CNTN4: variants seen among roughly 807,000 people sequenced by gnomAD.
CNTN4 encodes contactin-4.
Under a neutral mutation model 122.5 loss-of-function variants are expected in CNTN4, and 77 were observed. The observed-to-expected ratio is 0.63, with a 90% confidence interval of 0.52 to 0.76. The LOEUF is 0.76. CNTN4 is among the 30% of genes least tolerant of loss of function. The pLI is 0.00. For missense variants in CNTN4, 1,256 were observed against 1,259.1 expected (o/e 1.00, Z 0.04); for synonymous variants, 512 against 447.0 (o/e 1.15, Z -1.83).
At chr3:2,124,403 A>G (rs887243627) in intron 2 of CNTN4, among the ~76,000 whole-genome samples, 1 of 148,948 alleles carries the variant, frequency 6.7e-6, no homozygotes, top group African/African-American at 2.5e-5. Context: ...ATGCATTTTT[A>G]AAAGCCTTTG....
intron 15 of CNTN4, among the ~76,000 whole-genome samples, chr3:3,028,234 C>T (rs943005776): frequency 6.6e-6 from 1 of 152,148 alleles, no homozygotes; most frequent in African/African-American, 2.4e-5. Context: ...ACCGAGTATT[C>T]TGTCAGGAAC....
intron 4 of CNTN4, among the ~76,000 whole-genome samples, chr3:2,599,171 T>C (rs1403558397): frequency 1.3e-5 from 2 of 152,172 alleles, no homozygotes; most frequent in Non-Finnish European, 2.9e-5. Flanking sequence ...CCATGGAGTG[T>C]AGAGTTGGAG....
At chr3:2,901,715 TC>T in intron 11 of CNTN4, among the ~76,000 whole-genome samples, 1 of 152,334 alleles carries the variant, frequency 6.6e-6, no homozygotes, top group East Asian at 1.9e-4. Flanking sequence ...AAGGCTTTGT[TC>T]AGGTGCTTTA....
intron 13 of CNTN4, chr3:2,927,171 A>C (rs1392567592): frequency 3.2e-6 from 1 of 311,664 alleles, no homozygotes; most frequent in Non-Finnish European, 6.4e-6. Context: ...ACATGTCAAA[A>C]ATCATGAATG....
chr3:2,811,811 A>G (rs2092619327), intron 6 of CNTN4, among the ~76,000 whole-genome samples: 1 of 148,604 alleles, frequency 6.7e-6, no homozygotes, highest in Non-Finnish European at 1.5e-5. Flanking sequence ...GGACTACAGC[A>G]CATGTCACCA....
chr3:2,518,813 G>T (rs1034067871), intron 3 of CNTN4, among the ~76,000 whole-genome samples: 25 of 151,736 alleles, frequency 1.6e-4, no homozygotes, highest in African/African-American at 5.6e-4. Flanking sequence ...TTTGCCTGTG[G>T]GCCTGAGACT....
At chr3:2,237,822 T>C (rs1181306581) in intron 2 of CNTN4, among the ~76,000 whole-genome samples, 1 of 152,168 alleles carries the variant, frequency 6.6e-6, no homozygotes, top group Admixed American at 6.5e-5. Flanking sequence ...TTGACTTTCA[T>C]ATGAAGATTA....
At chr3:2,490,622 A>G (rs189368115) in intron 3 of CNTN4, among the ~76,000 whole-genome samples, 2 of 152,330 alleles carry the variant, frequency 1.3e-5, no homozygotes, top group African/African-American at 4.8e-5. Flanking sequence ...GCACTAAGCA[A>G]CATTTTGCAA....
chr3:2,543,917 A>C (rs796479683), intron 3 of CNTN4, among the ~76,000 whole-genome samples: 2 of 152,122 alleles, frequency 1.3e-5, no homozygotes, highest in Non-Finnish European at 2.9e-5. Flanking sequence ...ATCAAGAGCT[A>C]TCTTGGTATG....
chr3:2,796,461 C>A (rs1436815053), intron 6 of CNTN4, among the ~76,000 whole-genome samples: 1 of 151,996 alleles, frequency 6.6e-6, no homozygotes, highest in African/African-American at 2.4e-5. Flanking sequence ...CCTTTTAATT[C>A]TATGGTACGG....
chr3:2,209,658 T>C (rs768364608), intron 2 of CNTN4, among the ~76,000 whole-genome samples: 1 of 148,868 alleles, frequency 6.7e-6, no homozygotes, highest in Non-Finnish European at 1.5e-5. Context: ...GATGCACAGC[T>C]GAGATTTTGA....
At chr3:2,364,455 G>A (rs1406469760) in intron 3 of CNTN4, among the ~76,000 whole-genome samples, 2 of 152,008 alleles carry the variant, frequency 1.3e-5, no homozygotes, top group Non-Finnish European at 2.9e-5. Flanking sequence ...GGTCCTACTG[G>A]AATCTTTGGA....
At chr3:2,191,073 G>C (rs1057172890) in intron 2 of CNTN4, among the ~76,000 whole-genome samples, 17 of 151,894 alleles carry the variant, frequency 1.1e-4, no homozygotes, top group African/African-American at 3.6e-4. Flanking sequence ...CAAGCTTACT[G>C]GCATAATGTA....
At chr3:2,583,411 T>C (rs1007040834) in intron 4 of CNTN4, among the ~76,000 whole-genome samples, 3 of 152,240 alleles carry the variant, frequency 2.0e-5, no homozygotes, top group African/African-American at 7.2e-5. Context: ...ACTGGGAATG[T>C]TTGATTTACT....
chr3:2,468,996 T>G (rs2075598127), intron 3 of CNTN4, among the ~76,000 whole-genome samples: 1 of 152,148 alleles, frequency 6.6e-6, no homozygotes, highest in East Asian at 1.9e-4. Flanking sequence ...AGAAATAAGA[T>G]TGCTATAATT....
chr3:2,299,843 C>A (rs1436547785), intron 2 of CNTN4, among the ~76,000 whole-genome samples: 3 of 152,048 alleles, frequency 2.0e-5, no homozygotes, highest in Admixed American at 6.6e-5. Flanking sequence ...AATTATTTAT[C>A]TAAAACATAA....
At chr3:2,179,857 G>T (rs527342467) in intron 2 of CNTN4, among the ~76,000 whole-genome samples, 1 of 151,680 alleles carries the variant, frequency 6.6e-6, no homozygotes, top group Admixed American at 6.6e-5. Flanking sequence ...CAAGAAATAG[G>T]TAAAATTAAT....
At chr3:2,585,746 C>A (rs572228410) in intron 4 of CNTN4, among the ~76,000 whole-genome samples, 3 of 151,084 alleles carry the variant, frequency 2.0e-5, no homozygotes, top group Non-Finnish European at 2.9e-5. Context: ...TTAAATGACA[C>A]GTTAATGGGT....
intron 13 of CNTN4, among the ~76,000 whole-genome samples, chr3:2,984,954 G>T (rs994056227): frequency 6.6e-6 from 1 of 152,210 alleles, no homozygotes. Flanking sequence ...TATTATTGAG[G>T]TAATTAAGAT....
Sources: gnomAD v4.1 joint callset for allele counts (sites outside exome capture counted in the v4.1 genomes callset) on GRCh38, gnomAD v4.1.1 for gene constraint, MANE v1.5 for transcripts, NCBI Gene and HGNC (gene_info 2026-07-23, HGNC 2026-07-21) for gene names.